The following TDRD9 variants were observed in gnomAD, a reference collection of about 807,000 sequenced individuals.
The protein encoded by TDRD9 is tudor domain containing 9.
In TDRD9, 124 loss-of-function variants were observed where a neutral mutation model predicts 172.6. That is an observed-to-expected ratio of 0.72 (90% CI 0.62 to 0.83). The LOEUF (loss-of-function observed/expected upper bound fraction) is 0.83, where lower values mean the gene tolerates loss of function less well. Ranked by LOEUF, TDRD9 falls within the 40% of genes least tolerant of loss-of-function variation. The probability of loss-of-function intolerance (pLI) is 0.00; values close to 1 mark genes in which losing one functional copy is unlikely to be tolerated. For synonymous variants in TDRD9, 619 were observed against 617.1 expected, an observed-to-expected ratio of 1.00 and a Z score of -0.05; for missense variants, 1,479 against 1,714.1, an observed-to-expected ratio of 0.86 and a Z score of 2.42.
At chr14:104,016,453 G>C (rs1364520739) in intron 22 of TDRD9, among the ~76,000 whole-genome samples, 17 of 152,220 alleles carry the variant, frequency 1.1e-4, no homozygotes, top group Non-Finnish European at 2.1e-4. Flanking sequence ...TTGGTTGGCA[G>C]CTGAGTGCTG....
rs185671180 is a variant in TDRD9, at chr14:103,997,954, C to T, written c.1379-670C>T. On this transcript the variant is annotated intron_variant, in intron 12 of 35. Transcript: ENST00000409874. This position sits in a 1 kb window ranked among gnomAD's most constrained non-coding sequence, Gnocchi z 5.1. Reference sequence around the variant, plus strand: ...GGCGGCACACAACACTCCACAGGTGCTTTGCTGTAGGGGAGCAGAGGAAAT... The same window carrying T: ...GGCGGCACACAACACTCCACAGGTGTTTTGCTGTAGGGGAGCAGAGGAAAT... Among the ~76,000 whole-genome samples, 2 of 152,158 alleles carry T rather than the reference C, an allele frequency of 1.3e-5. No individual in the cohort carries two copies. Among genetic ancestry groups the T allele is most frequent in the African/African-American group, 4.8e-5 (2 of 41,496 alleles).
Position 104,052,309 on chromosome 14 carries a change from ATCACTGTATTAAAT to A in TDRD9, c.*228_*241del, listed in dbSNP as rs1486126980. ...CTCTAGTCTTTTCTAGAAACAGAAA[ATCACTGTATTAAAT>A]ATTTTGGAAAGATTGTTCTGAAAGA... is the stretch of plus-strand genomic sequence containing the variant. On this transcript the variant is annotated 3_prime_UTR_variant, in exon 36 of 36. Transcript: ENST00000409874. The A allele has an allele frequency of 5.8e-6, 2 of 344,286 alleles. No homozygotes were observed. Among genetic ancestry groups the A allele is most frequent in the Admixed American group, 8.8e-5 (2 of 22,692 alleles). 21.3% of individuals were successfully genotyped at this position (344,286 alleles called of 1,614,324 possible). A position where few individuals can be genotyped will look rare whatever the true frequency, so the allele number is the denominator to read the frequency against.
intron 1 of TDRD9, among the ~76,000 whole-genome samples, chr14:103,946,525 A>G (rs931160279): frequency 2.7e-4 from 41 of 152,212 alleles, no homozygotes; most frequent in African/African-American, 9.9e-4. Context: ...CTTTTACTTA[A>G]CTTAGTACTA....
chr14:104,051,926 T>C (rs569293346), intron 35 of TDRD9, 55 bp from the exon 36 acceptor site: 98 of 1,155,500 alleles, frequency 8.5e-5, no homozygotes, highest in Non-Finnish European at 1.1e-4. Flanking sequence ...GTGTATTTTA[T>C]GTCTGGAAAA....
chr14:104,026,335 A>G (rs2152245212), intron 27 of TDRD9, among the ~76,000 whole-genome samples, 199 bp downstream of exon 27: 1 of 152,312 alleles, frequency 6.6e-6, no homozygotes, highest in South Asian at 2.1e-4. Context: ...CAGATTTAGC[A>G]AAAAAAGTTG....
At chr14:104,004,023 AT>A (rs1183508923) in intron 13 of TDRD9, among the ~76,000 whole-genome samples, 10 of 152,250 alleles carry the variant, frequency 6.6e-5, no homozygotes, top group Middle Eastern at 3.4e-3. Flanking sequence ...ATTTATTCTA[AT>A]TTTTTAGGAT....
intron 1 of TDRD9, 40 bp downstream of exon 1, chr14:103,928,764 G>T: frequency 1.2e-6 from 1 of 840,000 alleles, no homozygotes; most frequent in Non-Finnish European, 1.5e-6. Flanking sequence ...GAGGGCGGCC[G>T]GGCGAGGCCT....
intron 12 of TDRD9, among the ~76,000 whole-genome samples, chr14:103,998,196 A>T (rs1351578638): frequency 7.9e-6 from 1 of 126,694 alleles, no homozygotes; most frequent in Non-Finnish European, 1.6e-5. Flanking sequence ...AGATGCACAG[A>T]TACACACACC....
chr14:104,022,097 T>C, intron 23 of TDRD9, 60 bp from the exon 24 acceptor site: 1 of 1,339,978 alleles, frequency 7.5e-7, no homozygotes, highest in Non-Finnish European at 1.0e-6. Context: ...GAGAAATGAA[T>C]ATGCAGTTTT....
chr14:104,043,060 C>T (rs1200033546), intron 34 of TDRD9, among the ~76,000 whole-genome samples: 2 of 151,876 alleles, frequency 1.3e-5, no homozygotes, highest in African/African-American at 4.8e-5. Context: ...GAGTCTCACC[C>T]TCTTGCTCAA....
At chr14:103,983,764 T>G (rs2033569821) in intron 7 of TDRD9, among the ~76,000 whole-genome samples, 1 of 152,180 alleles carries the variant, frequency 6.6e-6, no homozygotes, top group Admixed American at 6.5e-5. Context: ...GAAGCCACTT[T>G]GGAACTGAGT....
chr14:103,987,220 C>G (rs1460072079), intron 8 of TDRD9, among the ~76,000 whole-genome samples: 1 of 151,972 alleles, frequency 6.6e-6, no homozygotes, highest in African/African-American at 2.4e-5. Flanking sequence ...ATAGTTTTGC[C>G]TTTTCCAGGA....
rs528960687 is a variant in TDRD9, at chr14:103,974,371, C to T, written c.847-1018C>T. On this transcript the variant is annotated intron_variant, in intron 6 of 35. Coordinates refer to ENST00000409874, the MANE Select transcript of TDRD9 (RefSeq NM_153046.3). ...CATAATCAGCCACTTTCTCCTGGCA[C>T]GTCTCGGGCTGTATGCACTGCTCCT... 2.0e-5 allele frequency among the ~76,000 whole-genome samples: 3 copies of T among 152,286 alleles called. No homozygotes were observed. The South Asian group carries it at 6.2e-4, about 32-fold the overall frequency.
chr14:104,005,293 C>T lies in TDRD9; in HGVS notation c.1601C>T (p.Thr534Met), dbSNP rs746385912. 1.1e-5 allele frequency: 18 copies of T among 1,613,914 alleles called. No homozygotes were observed. The highest frequency in any genetic ancestry group is 6.6e-5 in the South Asian group (6 of 91,074). Residue 534 changes from threonine (T) to methionine (M), a missense_variant, in exon 15 of 36, where the codon ACG becomes ATG. Physicochemically the swap from Thr to Met is moderately conservative, Grantham distance 81. Coordinates refer to ENST00000409874, the MANE Select transcript of TDRD9 (RefSeq NM_153046.3). ...TTTCAGCGTTGTCCATTAGGAAGCACGATCTTGAAAGTGAAATTACTTGAC... is the reference window on the plus strand; with the variant it reads ...TTTCAGCGTTGTCCATTAGGAAGCATGATCTTGAAAGTGAAATTACTTGAC... The part of the protein sequence containing the change: ...PEMLRCPLGS[T>M]ILKVKLLDMG...
At chr14:103,991,587 A>C (rs1373645111) in intron 9 of TDRD9, among the ~76,000 whole-genome samples, 1 of 150,828 alleles carries the variant, frequency 6.6e-6, no homozygotes, top group Non-Finnish European at 1.5e-5. Flanking sequence ...TTATTTTTGT[A>C]TTTTTAGTAG....
At chr14:104,043,475 C>A (rs1272971638) in intron 34 of TDRD9, among the ~76,000 whole-genome samples, 1 of 152,070 alleles carries the variant, frequency 6.6e-6, no homozygotes, top group Non-Finnish European at 1.5e-5. Flanking sequence ...CTCAGGCGAT[C>A]CACCCGCTTC....
intron 24 of TDRD9, among the ~76,000 whole-genome samples, chr14:104,022,706 G>A (rs1402862651): frequency 6.7e-6 from 1 of 150,008 alleles, no homozygotes; most frequent in Non-Finnish European, 1.5e-5. Flanking sequence ...CAGCCTGGGC[G>A]ACAGAACAAG....
In TDRD9 at chr14:103,936,280, T is replaced by C. The variant is rs573538799; in HGVS notation, c.215+7556T>C. On this transcript the variant is annotated intron_variant, in intron 1 of 35. Transcript: ENST00000409874. The stretch of plus-strand genomic sequence containing the variant: ...AATTAAAAAAATGTTTTTGGAGACA[T>C]GGGATTTCACTATGTTACCCAGGCT... Among the ~76,000 whole-genome samples, 7 of 152,210 alleles carry C rather than the reference T, an allele frequency of 4.6e-5. No individual in the cohort carries two copies. The East Asian group carries it at 1.4e-3, about 29-fold the overall frequency.
chr14:104,034,106 T>A, intron 31 of TDRD9, 37 bp downstream of exon 31: 1 of 1,379,096 alleles, frequency 7.3e-7, no homozygotes, highest in Non-Finnish European at 1.0e-6. Flanking sequence ...TGTCCTCTCT[T>A]TTTTCTTTTC....
Sources: allele counts gnomAD v4.1 joint callset (sites outside exome capture counted in the v4.1 genomes callset), GRCh38; gene constraint gnomAD v4.1.1; non-coding constraint Gnocchi (gnomAD v3.1); transcripts MANE v1.5; gene names NCBI Gene and HGNC (gene_info 2026-07-23, HGNC 2026-07-21).